Variants in NLGN1 observed in about 807,000 individuals in gnomAD.
NLGN1 encodes neuroligin 1, also known as neuroligin-1.
Under a neutral mutation model 65.5 loss-of-function variants are expected in NLGN1, and 12 were observed. The observed-to-expected ratio is 0.18, with a 90% confidence interval of 0.12 to 0.30. The LOEUF (loss-of-function observed/expected upper bound fraction) is 0.30. NLGN1 is among the 10% of genes least tolerant of loss of function. The pLI is 1.00. For missense variants in NLGN1, 750 were observed against 1,007.1 expected, an observed-to-expected ratio of 0.74 and a Z score of 3.46; for synonymous variants, 350 against 359.5, an observed-to-expected ratio of 0.97 and a Z score of 0.30.
chr3:173,516,997 C>G (rs186099504), intron 2 of NLGN1, among the ~76,000 whole-genome samples: 1 of 152,050 alleles, frequency 6.6e-6, no homozygotes, highest in East Asian at 1.9e-4. Flanking sequence ...TAATGTATTA[C>G]CATTCTATTC....
chr3:173,789,082 C>A (rs140676865), intron 3 of NLGN1, among the ~76,000 whole-genome samples: 5,107 of 151,698 alleles, frequency 0.034, 134 homozygotes, highest in African/African-American at 0.074. Context: ...ACCTGTAGTC[C>A]CAGCTACTCA....
chr3:173,856,717 A>T (rs1167932126), intron 4 of NLGN1, among the ~76,000 whole-genome samples: 1 of 152,212 alleles, frequency 6.6e-6, no homozygotes, highest in East Asian at 1.9e-4. Context: ...TAATATTCCA[A>T]GGAGATTTCT....
intron 2 of NLGN1, among the ~76,000 whole-genome samples, chr3:173,472,203 T>G (rs1227297150): frequency 6.6e-6 from 1 of 152,172 alleles, no homozygotes; most frequent in Admixed American, 6.6e-5. Flanking sequence ...TGAAAATACC[T>G]AGCTTCTTAC....
chr3:173,863,993 G>T (rs1312701091), intron 4 of NLGN1, among the ~76,000 whole-genome samples: 1 of 152,154 alleles, frequency 6.6e-6, no homozygotes, highest in African/African-American at 2.4e-5. Context: ...GGATGATGGT[G>T]ATGAGAGGAA....
intron 4 of NLGN1, among the ~76,000 whole-genome samples, chr3:174,101,232 C>A (rs993257757): frequency 6.6e-6 from 1 of 152,080 alleles, no homozygotes; most frequent in Non-Finnish European, 1.5e-5. Flanking sequence ...AATGTAGGCA[C>A]ATTAAAATGT....
Position 174,027,286 on chromosome 3 carries a change from A to C in NLGN1, c.646+219454A>C, listed in dbSNP as rs6797268. 6.6e-3 allele frequency among the ~76,000 whole-genome samples: 1,002 copies of C among 152,200 alleles called. 14 individuals carry two copies. Among genetic ancestry groups the C allele is most frequent in the African/African-American group, 0.023 (940 of 41,514 alleles). ...AATTCATCATCTTGGACTCTCTCTG[A>C]AACTCCAACCCTTCTCTCTTATACC... On this transcript the variant is annotated intron_variant, in intron 4 of 6. Coordinates refer to ENST00000457714, the Ensembl canonical transcript of NLGN1.
intron 4 of NLGN1, among the ~76,000 whole-genome samples, chr3:174,154,979 AT>A (rs1725105838): frequency 2.3e-5 from 3 of 128,136 alleles, no homozygotes; most frequent in Admixed American, 8.2e-5. Context: ...TATATAATAT[AT>A]TATATTATAT....
At chr3:173,621,384 C>A (rs1268689909) in intron 3 of NLGN1, among the ~76,000 whole-genome samples, 1 of 152,018 alleles carries the variant, frequency 6.6e-6, no homozygotes, top group African/African-American at 2.4e-5. Flanking sequence ...AGTCGGGAGA[C>A]AGTAAGTGTG....
intron 4 of NLGN1, among the ~76,000 whole-genome samples, chr3:174,103,530 T>C (rs113306238): frequency 3.3e-5 from 5 of 152,246 alleles, no homozygotes; most frequent in African/African-American, 1.2e-4. Context: ...ATGGGTTTTT[T>C]ATTGGCAATT....
At chr3:173,701,781 T>C (rs1325386106) in intron 3 of NLGN1, among the ~76,000 whole-genome samples, 1 of 152,190 alleles carries the variant, frequency 6.6e-6, no homozygotes, top group Non-Finnish European at 1.5e-5. Flanking sequence ...CTTAAGTAAC[T>C]AATGCCAGTG....
chr3:173,735,365 A>G (rs1301778966), intron 3 of NLGN1, among the ~76,000 whole-genome samples: 1 of 152,074 alleles, frequency 6.6e-6, no homozygotes, highest in Admixed American at 6.6e-5. Flanking sequence ...TTCCCAGTAC[A>G]TCTTTGGCCA....
chr3:174,100,657 C>A (rs971967751), intron 4 of NLGN1, among the ~76,000 whole-genome samples: 1 of 151,982 alleles, frequency 6.6e-6, no homozygotes, highest in African/African-American at 2.4e-5. Context: ...AGCCACCAGG[C>A]TTCACATAGG....
intron 3 of NLGN1, among the ~76,000 whole-genome samples, chr3:173,764,968 TA>T (rs904261145): frequency 6.6e-5 from 10 of 151,836 alleles, no homozygotes; most frequent in African/African-American, 2.4e-4. Context: ...AGAAAGAAAA[TA>T]TTTTTATGTC....
intron 2 of NLGN1, among the ~76,000 whole-genome samples, chr3:173,569,595 T>C (rs1486828692): frequency 6.6e-6 from 1 of 151,724 alleles, no homozygotes; most frequent in Non-Finnish European, 1.5e-5. Flanking sequence ...TTCTTTTTTT[T>C]TTTTCTATTT....
At chr3:173,426,843 A>T (rs1331822224) in intron 1 of NLGN1, among the ~76,000 whole-genome samples, 1 of 152,098 alleles carries the variant, frequency 6.6e-6, no homozygotes, top group East Asian at 1.9e-4. Flanking sequence ...AACTCATAGA[A>T]TGAGTTTGAA....
At chr3:173,482,896 C>T (rs371045510) in intron 2 of NLGN1, among the ~76,000 whole-genome samples, 4 of 152,046 alleles carry the variant, frequency 2.6e-5, no homozygotes, top group African/African-American at 9.6e-5. Context: ...AGAAGGGTAA[C>T]TTAGGACAAA....
intron 3 of NLGN1, among the ~76,000 whole-genome samples, chr3:173,668,319 A>G (rs1189470708): frequency 6.6e-6 from 1 of 152,170 alleles, no homozygotes; most frequent in Non-Finnish European, 1.5e-5. Context: ...CAGCAGAAGT[A>G]ATGAGCAGAA....
chr3:173,733,612 G>A (rs1329265143), intron 3 of NLGN1, among the ~76,000 whole-genome samples: 1 of 152,032 alleles, frequency 6.6e-6, no homozygotes, highest in East Asian at 1.9e-4. Context: ...GATTCAAGGA[G>A]GTTCCTAACT....
chr3:173,495,883 TCTTCTTATG>T (rs1729946437), intron 2 of NLGN1, among the ~76,000 whole-genome samples: 1 of 151,830 alleles, frequency 6.6e-6, no homozygotes, highest in Non-Finnish European at 1.5e-5. Flanking sequence ...AAGACATATA[TCTTCTTATG>T]ATTTGAATCA....
Sources: allele counts gnomAD v4.1 joint callset (sites outside exome capture counted in the v4.1 genomes callset), GRCh38; gene constraint gnomAD v4.1.1; transcripts MANE v1.5; gene names NCBI Gene and HGNC (gene_info 2026-07-23, HGNC 2026-07-21).